Variants in GDA observed in about 807,000 individuals in gnomAD.
The protein encoded by GDA is guanine deaminase.
GDA carries 18 observed loss-of-function variants against 59.6 expected under a neutral mutation model. The observed-to-expected ratio is 0.30, with a 90% CI of 0.21 to 0.45. GDA has a LOEUF of 0.45. Ranked by LOEUF, GDA falls within the 20% of genes least tolerant of loss-of-function variation. GDA has a pLI of 1.00. For synonymous variants in GDA, 201 were observed against 201.1 expected (o/e 1.00, Z 0.00); for missense variants, 427 against 552.3 (o/e 0.77, Z 2.27).
chr9:72,244,190 A>G (rs986374049), intron 11 of GDA, among the ~76,000 whole-genome samples: 18 of 151,652 alleles, frequency 1.2e-4, no homozygotes, highest in African/African-American at 4.4e-4. Context: ...AAAAAAAAAA[A>G]GAAAGAAAGA....
intron 10 of GDA, among the ~76,000 whole-genome samples, chr9:72,239,096 G>A (rs1166637531): frequency 6.6e-6 from 1 of 152,164 alleles, no homozygotes; most frequent in Non-Finnish European, 1.5e-5. Flanking sequence ...GTAGATGGAA[G>A]GGGAAAACTA....
intron 10 of GDA, among the ~76,000 whole-genome samples, chr9:72,232,753 C>G (rs1391830048): frequency 6.6e-6 from 1 of 152,190 alleles, no homozygotes; most frequent in Non-Finnish European, 1.5e-5. Flanking sequence ...TTCTAGCTGT[C>G]ACTTATTATC....
chr9:72,198,496 A>G (rs1036491607), intron 2 of GDA, among the ~76,000 whole-genome samples: 1 of 150,428 alleles, frequency 6.6e-6, no homozygotes, highest in Non-Finnish European at 1.5e-5. Context: ...CCGAGATCGC[A>G]CCACTGCACT....
Position 72,249,039 on chromosome 9 carries a change from G to A in GDA, c.*697G>A. ...GTTTTGTGCTTCAAAGTGTTTGACA[G>A]AAGTTGGGTATTAAAGATTTAAAGT... On this transcript the variant is annotated 3_prime_UTR_variant, in exon 14 of 14. Coordinates refer to ENST00000358399, the MANE Select transcript of GDA (RefSeq NM_004293.5). 3 of 984,982 alleles carry A rather than the reference G, an allele frequency of 3.0e-6. No homozygotes were observed. The highest frequency in any genetic ancestry group is 3.6e-6 in the Non-Finnish European group (3 of 829,172). 61.0% of individuals were successfully genotyped at this position (984,982 alleles called of 1,614,324 possible).
At chr9:72,219,437 A>T (rs761879723) in intron 5 of GDA, 42 bp from the exon 6 acceptor site, 42 of 1,447,050 alleles carry the variant, frequency 2.9e-5, no homozygotes, top group Non-Finnish European at 3.9e-5. Context: ...AGAAAAAAAG[A>T]AAATGCTCAA....
intron 1 of GDA, among the ~76,000 whole-genome samples, chr9:72,176,166 G>A (rs1587484817): frequency 4.6e-5 from 7 of 152,278 alleles, no homozygotes; most frequent in Admixed American, 3.9e-4. Flanking sequence ...GAGGTTAAAG[G>A]TCATTCACAT....
rs898184806 is a variant in GDA at position 72,238,042 on chromosome 9, T to G, written c.989-3110T>G. Among the ~76,000 whole-genome samples, 45 of 152,162 alleles carry G rather than the reference T, an allele frequency of 3.0e-4. 1 individual carries two copies. The highest frequency in any genetic ancestry group is 1.1e-3 in the African/African-American group (45 of 41,432). On this transcript the variant is annotated intron_variant, in intron 10 of 13. Coordinates refer to ENST00000358399, the MANE Select transcript of GDA (RefSeq NM_004293.5). The stretch of plus-strand genomic sequence containing the variant: ...TGTCACCCCCTTGTGCTCGTCACCC[T>G]TCAATGCGATTTTGAGTGTGTAAGG...
At chr9:72,158,421 A>G (rs7868844) in intron 1 of GDA, among the ~76,000 whole-genome samples, 28,220 of 151,854 alleles carry the variant, frequency 0.19, 2,977 homozygotes, top group African/African-American at 0.3. Flanking sequence ...GTGAAACTCC[A>G]TCTCTACTAA....
chr9:72,177,850 C>T (rs1348605969), intron 1 of GDA, among the ~76,000 whole-genome samples: 1 of 152,184 alleles, frequency 6.6e-6, no homozygotes, highest in Non-Finnish European at 1.5e-5. Flanking sequence ...ACAAGTTCAT[C>T]TTTGCTAAGT....
chr9:72,258,766 C>T (rs750509077), downstream of GDA, among the ~76,000 whole-genome samples: 4 of 152,220 alleles, frequency 2.6e-5, no homozygotes, highest in South Asian at 2.1e-4. Context: ...TCAAACTTTC[C>T]CTGCTGCCAA....
intron 1 of GDA, among the ~76,000 whole-genome samples, chr9:72,130,693 G>A (rs556664084): frequency 6.6e-6 from 1 of 152,288 alleles, no homozygotes; most frequent in Admixed American, 6.5e-5. Flanking sequence ...GAATAACAAG[G>A]CAGGCAACCA....
chr9:72,156,908 A>G (rs1827956568), intron 1 of GDA, among the ~76,000 whole-genome samples: 1 of 152,096 alleles, frequency 6.6e-6, no homozygotes, highest in East Asian at 1.9e-4. Context: ...TGCTGCTGCC[A>G]CCATGTGAGA....
At position 72,178,413 on chromosome 9, in the gene GDA, A is replaced by ATT. The variant is rs145032320; in HGVS notation, c.124-17067_124-17066dup. Among the ~76,000 whole-genome samples, 213 of 117,082 alleles carry ATT rather than the reference A, an allele frequency of 1.8e-3. 2 individuals carry two copies. Among genetic ancestry groups the ATT allele is most frequent in the African/African-American group, 2.8e-3 (82 of 29,038 alleles). 76.8% of individuals were successfully genotyped at this position (117,082 alleles called of 152,430 possible). On this transcript the variant is annotated intron_variant, in intron 1 of 13. Coordinates refer to ENST00000358399, the MANE Select transcript of GDA (RefSeq NM_004293.5). ...GAATTGGTCTGGAGTTGGAATCGAT[A>ATT]TTTTTTTTTTTTTTTTTTTTTGAGA...
chr9:72,228,155 G>T lies in GDA; in HGVS notation c.920+115G>T, dbSNP rs1257292117. 1.3e-5 allele frequency: 9 copies of T among 685,402 alleles called. No homozygotes were observed. In the South Asian group the frequency reaches 1.5e-4, roughly 11 times the overall value. The allele number at this position is 685,402 out of a possible 1,614,324, so 42.5% of individuals were successfully genotyped here. A position where few individuals can be genotyped will look rare whatever the true frequency, so the allele number is the denominator to read the frequency against. On this transcript the variant is annotated intron_variant, in intron 9 of 13. Coordinates refer to ENST00000358399, the MANE Select transcript of GDA (RefSeq NM_004293.5). ...GGATCTCCCCTCTATTCTGTGTTTG[G>T]CAGGACCCAGATAGATAGACATTTA...
At chr9:72,192,558 T>A (rs1832687386) in intron 1 of GDA, among the ~76,000 whole-genome samples, 1 of 149,100 alleles carries the variant, frequency 6.7e-6, no homozygotes. Flanking sequence ...AGCTCACAAA[T>A]TTTTTCTTCT....
chr9:72,252,733 T>G (rs1027553859), downstream of GDA, among the ~76,000 whole-genome samples: 5 of 152,202 alleles, frequency 3.3e-5, no homozygotes, highest in Non-Finnish European at 7.3e-5. Flanking sequence ...TCAGAAGCAA[T>G]ATTCCAGTAT....
chr9:72,174,353 T>C (rs112805590), intron 1 of GDA, among the ~76,000 whole-genome samples: 2 of 152,244 alleles, frequency 1.3e-5, no homozygotes, highest in Non-Finnish European at 2.9e-5. Context: ...CTCAGACTTA[T>C]GTAATGCCTG....
upstream of GDA, among the ~76,000 whole-genome samples, chr9:72,146,359 G>A (rs1343622863): frequency 6.6e-6 from 1 of 152,028 alleles, no homozygotes; most frequent in East Asian, 1.9e-4. Context: ...CACTAATGAT[G>A]CTTGGGCTGT....
chr9:72,125,782 C>T (rs879876661), intron 1 of GDA, among the ~76,000 whole-genome samples: 2 of 152,112 alleles, frequency 1.3e-5, no homozygotes, highest in Non-Finnish European at 2.9e-5. Flanking sequence ...CTGGAAAGTT[C>T]TAACTTTGTC....
Sources: gnomAD v4.1 joint callset for allele counts (sites outside exome capture counted in the v4.1 genomes callset) on GRCh38, gnomAD v4.1.1 for gene constraint, MANE v1.5 for transcripts, NCBI Gene and HGNC (gene_info 2026-07-23, HGNC 2026-07-21) for gene names.